The following CYREN variants were observed in gnomAD, a reference collection of about 807,000 sequenced individuals.
The protein encoded by CYREN is cell cycle regulator of non-homologous end joining.
Under a neutral mutation model 9.7 loss-of-function variants are expected in CYREN, and 7 were observed. The observed-to-expected ratio is 0.72, with a 90% CI of 0.41 to 1.36. The LOEUF (loss-of-function observed/expected upper bound fraction) is 1.36. Among genes scored for constraint, CYREN ranks in the 40% most tolerant of loss-of-function variants. The probability of loss-of-function intolerance (pLI) is 0.01; values close to 1 mark genes in which losing one functional copy is unlikely to be tolerated. For missense variants in CYREN, 215 were observed against 198.1 expected (o/e 1.09, Z -0.51); for synonymous variants, 76 against 77.9 (o/e 0.98, Z 0.13).
intron 2 of CYREN, among the ~76,000 whole-genome samples, chr7:135,146,652 T>C (rs140497777): frequency 1.0e-3 from 158 of 152,334 alleles, no homozygotes; most frequent in African/African-American, 3.7e-3. Flanking sequence ...TTCTGGAACA[T>C]GCAGTGGGGA....
chr7:135,114,348 G>T (rs1183715279), intron 2 of CYREN, among the ~76,000 whole-genome samples: 3 of 152,046 alleles, frequency 2.0e-5, no homozygotes, highest in Non-Finnish European at 4.4e-5. Flanking sequence ...CTAAATCCTT[G>T]CCAGCACTTG....
At chr7:135,160,746 A>C (rs1829912856) in intron 2 of CYREN, among the ~76,000 whole-genome samples, 1 of 151,548 alleles carries the variant, frequency 6.6e-6, no homozygotes, top group South Asian at 2.1e-4. Flanking sequence ...AAAAAAAAAA[A>C]ACAAAAAAAA....
chr7:135,130,797 C>CT (rs899257893), intron 2 of CYREN, among the ~76,000 whole-genome samples: 8 of 151,980 alleles, frequency 5.3e-5, no homozygotes, highest in African/African-American at 7.2e-5. Flanking sequence ...GCTTCATACT[C>CT]TTTTTTTGCA....
intron 2 of CYREN, among the ~76,000 whole-genome samples, chr7:135,099,485 G>C (rs1342723130): frequency 6.6e-6 from 1 of 152,072 alleles, no homozygotes; most frequent in Non-Finnish European, 1.5e-5. Context: ...TGATTTTTAA[G>C]ACCTAACTTC....
chr7:135,147,855 T>C (rs1171576549), intron 2 of CYREN: 2 of 456,186 alleles, frequency 4.4e-6, no homozygotes, highest in Non-Finnish European at 8.8e-6. Flanking sequence ...GCTCCTTCCC[T>C]TTCTGGAATT....
intron 2 of CYREN, among the ~76,000 whole-genome samples, chr7:135,139,846 T>G (rs1470720324): frequency 6.6e-6 from 1 of 152,168 alleles, no homozygotes; most frequent in East Asian, 1.9e-4. Context: ...CCCCATTGCT[T>G]GTTATTGTTG....
intron 2 of CYREN, chr7:135,128,506 G>A (rs1828272091): frequency 1.3e-6 from 1 of 759,196 alleles, no homozygotes; most frequent in African/African-American, 1.7e-5. Context: ...TTACGATGGA[G>A]ATGAATTTAG....
At chr7:135,128,368 T>A in intron 2 of CYREN, 1 of 382,558 alleles carries the variant, frequency 2.6e-6, no homozygotes, top group East Asian at 5.5e-5. Context: ...GTCATGGCCC[T>A]GGTGGGAGTG....
intron 2 of CYREN, chr7:135,128,581 GT>G: frequency 1.3e-6 from 1 of 771,034 alleles, no homozygotes; most frequent in African/African-American, 1.7e-5. Context: ...ATTTCAAGAT[GT>G]TTGTGAGCGC....
At chr7:135,117,064 T>C (rs1826423038) in intron 2 of CYREN, among the ~76,000 whole-genome samples, 1 of 152,242 alleles carries the variant, frequency 6.6e-6, no homozygotes, top group South Asian at 2.1e-4. Context: ...GTTCATTTTA[T>C]ATGTAATGTC....
chr7:135,140,831 G>A (rs1430950016), intron 2 of CYREN, among the ~76,000 whole-genome samples: 1 of 151,958 alleles, frequency 6.6e-6, no homozygotes, highest in Non-Finnish European at 1.5e-5. Flanking sequence ...ATAGATGCAG[G>A]AAAGATTGTT....
intron 2 of CYREN, among the ~76,000 whole-genome samples, chr7:135,096,600 G>GATAC (rs1563260280): frequency 8.7e-5 from 7 of 80,798 alleles, no homozygotes; most frequent in South Asian, 4.9e-4. Context: ...TAGATAGATA[G>GATAC]ATAGATAGAT....
At chr7:135,124,209 C>G (rs1018736028) in intron 2 of CYREN, among the ~76,000 whole-genome samples, 62 of 127,698 alleles carry the variant, frequency 4.9e-4, no homozygotes, top group Non-Finnish European at 5.2e-4. Context: ...ATTTACCAAG[C>G]AAATGGAAAG....
In CYREN at chr7:135,115,661, A is replaced by T. The variant is rs565589064; in HGVS notation, n.357-21079T>A. ...CTTATCTATTTAACACATCTTTTTT[A>T]AAAAAGCAGGGCTTATTAATTTATT... is the stretch of plus-strand genomic sequence containing the variant. On this transcript the variant is annotated intron_variant and non_coding_transcript_variant, in intron 2 of 2. Coordinates refer to the CYREN transcript ENST00000459937. The T allele has an allele frequency of 4.4e-5, 61 of 1,379,340 alleles. No individual in the cohort carries two copies. The East Asian group carries it at 5.6e-4, about 13-fold the overall frequency. 85.4% of individuals were successfully genotyped at this position (1,379,340 alleles called of 1,614,324 possible). A position where few individuals can be genotyped will look rare whatever the true frequency, so the allele number is the denominator to read the frequency against.
intron 2 of CYREN, among the ~76,000 whole-genome samples, chr7:135,150,560 C>T (rs1483486803): frequency 6.6e-6 from 1 of 152,104 alleles, no homozygotes; most frequent in Non-Finnish European, 1.5e-5. Flanking sequence ...AAGTGGGTGG[C>T]AAATTGCCTT....
intron 2 of CYREN, among the ~76,000 whole-genome samples, chr7:135,094,838 T>G (rs934360064): frequency 6.6e-6 from 1 of 152,172 alleles, no homozygotes; most frequent in African/African-American, 2.4e-5. Flanking sequence ...TTTCATTGGT[T>G]TACCAAACAA....
intron 2 of CYREN, among the ~76,000 whole-genome samples, chr7:135,105,464 T>A (rs1824548491): frequency 6.6e-6 from 1 of 152,240 alleles, no homozygotes; most frequent in Admixed American, 6.5e-5. Context: ...TAGCCAGTTA[T>A]CCCAGCACCT....
At chr7:135,161,812 C>T (rs1026380444), downstream of CYREN, among the ~76,000 whole-genome samples, 2 of 152,264 alleles carry the variant, frequency 1.3e-5, no homozygotes, top group African/African-American at 2.4e-5. The surrounding 1 kb of genome is among the most constrained non-coding windows in gnomAD (Gnocchi z 4.1). Context: ...GCAGCCAGGG[C>T]TTCTGCTGGG....
chr7:135,095,392 G>T (rs1822515289), intron 2 of CYREN, among the ~76,000 whole-genome samples: 1 of 152,142 alleles, frequency 6.6e-6, no homozygotes, highest in African/African-American at 2.4e-5. Context: ...TCGTTCTTTG[G>T]AAATCCTAAA....
Sources: allele counts gnomAD v4.1 joint callset (sites outside exome capture counted in the v4.1 genomes callset), GRCh38; gene constraint gnomAD v4.1.1; non-coding constraint Gnocchi (gnomAD v3.1); transcripts MANE v1.5; gene names NCBI Gene and HGNC (gene_info 2026-07-23, HGNC 2026-07-21).